The following IQCK variants were observed in gnomAD, a reference collection of about 807,000 sequenced individuals.
IQCK encodes IQ domain-containing protein K.
A neutral mutation model predicts 28.1 loss-of-function variants in IQCK; 29 were observed. The ratio of observed to expected loss-of-function variants is 1.03; its 90% CI spans 0.77 to 1.41. The LOEUF (loss-of-function observed/expected upper bound fraction) is 1.41. IQCK is among the 40% of genes most tolerant of loss of function. IQCK has a pLI of 0.00. For synonymous variants in IQCK, 113 were observed against 115.1 expected (o/e 0.98, Z 0.12); for missense variants, 359 against 314.7 (o/e 1.14, Z -1.07).
At chr16:19,737,732 C>T (rs574032870) in intron 4 of IQCK, among the ~76,000 whole-genome samples, 3 of 152,230 alleles carry the variant, frequency 2.0e-5, no homozygotes, top group African/African-American at 7.2e-5. Context: ...CCCTCCGTCT[C>T]TCCCCCGCAG....
intron 4 of IQCK, among the ~76,000 whole-genome samples, chr16:19,741,789 C>G (rs539155789): frequency 6.6e-6 from 1 of 152,170 alleles, no homozygotes; most frequent in East Asian, 1.9e-4. Flanking sequence ...GAGTTCGAGA[C>G]CAGCCTGGGC....
chr16:19,728,875 T>A (rs1209833737), intron 1 of IQCK, among the ~76,000 whole-genome samples: 1 of 152,240 alleles, frequency 6.6e-6, no homozygotes, highest in Non-Finnish European at 1.5e-5. Flanking sequence ...GAGGAAATGC[T>A]GTACTGTCTG....
intron 6 of IQCK, among the ~76,000 whole-genome samples, chr16:19,764,998 G>A (rs1184297535): frequency 7.0e-6 from 1 of 141,994 alleles, no homozygotes; most frequent in African/African-American, 2.5e-5. Flanking sequence ...CGTGCCCGGC[G>A]GATCACGAGG....
chr16:19,847,816 T>G (rs1242745638), intron 9 of IQCK, among the ~76,000 whole-genome samples: 1 of 152,234 alleles, frequency 6.6e-6, no homozygotes, highest in Non-Finnish European at 1.5e-5. Context: ...ATTATTATTT[T>G]TAGAGATAGG....
At chr16:19,835,878 C>A (rs2056290193) in intron 9 of IQCK, among the ~76,000 whole-genome samples, 1 of 152,162 alleles carries the variant, frequency 6.6e-6, no homozygotes, top group South Asian at 2.1e-4. Flanking sequence ...AGCCATCATG[C>A]CCAGCCTTGT....
intron 7 of IQCK, among the ~76,000 whole-genome samples, chr16:19,816,528 C>T (rs1275884631): frequency 5.9e-5 from 9 of 152,188 alleles, no homozygotes; most frequent in South Asian, 2.1e-4. Context: ...GGGATCCACC[C>T]GCCTCAGCCT....
chr16:19,730,095 A>G (rs1977783725), intron 1 of IQCK, among the ~76,000 whole-genome samples: 1 of 151,956 alleles, frequency 6.6e-6, no homozygotes, highest in South Asian at 2.1e-4. Context: ...AGCTGTGATT[A>G]CAGGCACCAG....
intron 1 of IQCK, among the ~76,000 whole-genome samples, chr16:19,722,045 A>G (rs1443574266): frequency 6.6e-6 from 1 of 152,178 alleles, no homozygotes; most frequent in Non-Finnish European, 1.5e-5. Flanking sequence ...GTTGTGAATC[A>G]ATACTTGTTC....
intron 9 of IQCK, among the ~76,000 whole-genome samples, chr16:19,854,424 C>T (rs1026635495): frequency 1.2e-4 from 18 of 151,624 alleles, no homozygotes; most frequent in Admixed American, 1.3e-4. Flanking sequence ...CAGCCTGATC[C>T]ATCAGAATCA....
intron 7 of IQCK, among the ~76,000 whole-genome samples, chr16:19,807,012 A>G (rs1567564487): frequency 6.6e-6 from 1 of 152,226 alleles, no homozygotes; most frequent in East Asian, 1.9e-4. Context: ...GCAGTAGAAT[A>G]TGGCAGAAAT....
chr16:19,830,678 C>T (rs1382077917), downstream of IQCK, among the ~76,000 whole-genome samples: 2 of 152,242 alleles, frequency 1.3e-5, no homozygotes, highest in Admixed American at 6.5e-5. Context: ...GGTAAAGGAC[C>T]GGGCTTTGGA....
intron 1 of IQCK, among the ~76,000 whole-genome samples, chr16:19,722,742 A>AGT (rs1977534685): frequency 6.6e-6 from 1 of 150,486 alleles, no homozygotes; most frequent in African/African-American, 2.5e-5. Context: ...CTTGAGACAG[A>AGT]GTCTTGCTCT....
intron 7 of IQCK, among the ~76,000 whole-genome samples, chr16:19,821,620 G>A (rs2141082654): frequency 6.6e-6 from 1 of 152,336 alleles, no homozygotes; most frequent in South Asian, 2.1e-4. Context: ...AGAATCGCTT[G>A]AAAGTGGAGG....
downstream of IQCK, among the ~76,000 whole-genome samples, chr16:19,830,836 T>G (rs533118690): frequency 6.6e-6 from 1 of 152,308 alleles, no homozygotes; most frequent in Non-Finnish European, 1.5e-5. Context: ...ATTACAAGAT[T>G]ATAAGAGATG....
chr16:19,768,788 T>C (rs533267670), intron 6 of IQCK, among the ~76,000 whole-genome samples: 1 of 152,260 alleles, frequency 6.6e-6, no homozygotes, highest in South Asian at 2.1e-4. Flanking sequence ...TCTCCACCAC[T>C]TACTGATCCT....
chr16:19,828,828 G>A (rs1394748236), downstream of IQCK, among the ~76,000 whole-genome samples: 3 of 143,556 alleles, frequency 2.1e-5, no homozygotes, highest in Non-Finnish European at 4.5e-5. Flanking sequence ...TTCAGCCTAG[G>A]CAACACAGCC....
At chr16:19,770,876 G>C (rs767120203) in intron 6 of IQCK, among the ~76,000 whole-genome samples, 1 of 152,160 alleles carries the variant, frequency 6.6e-6, no homozygotes, top group Non-Finnish European at 1.5e-5. Context: ...ACCTGCCTCA[G>C]CCTCCTAAAG....
At chr16:19,726,469 G>A (rs930991109) in intron 1 of IQCK, among the ~76,000 whole-genome samples, 1 of 151,800 alleles carries the variant, frequency 6.6e-6, no homozygotes, top group Non-Finnish European at 1.5e-5. Context: ...CCACATCTAA[G>A]GATCCTACCA....
At chr16:19,831,197 C>T (rs1311793039), downstream of IQCK, among the ~76,000 whole-genome samples, 2 of 152,220 alleles carry the variant, frequency 1.3e-5, no homozygotes, top group African/African-American at 4.8e-5. Flanking sequence ...ATGCAGAGAG[C>T]TAAGACATTC....
Sources: gnomAD v4.1 joint callset for allele counts (sites outside exome capture counted in the v4.1 genomes callset) on GRCh38, gnomAD v4.1.1 for gene constraint, MANE v1.5 for transcripts, NCBI Gene and HGNC (gene_info 2026-07-23, HGNC 2026-07-21) for gene names.